UBR2: variants seen among roughly 807,000 people sequenced by gnomAD.
UBR2 encodes the protein E3 ubiquitin-protein ligase UBR2.
UBR2 carries 92 observed loss-of-function variants against 247.9 expected under a neutral mutation model. The ratio of observed to expected loss-of-function variants is 0.37; its 90% confidence interval spans 0.31 to 0.44. UBR2 has a LOEUF of 0.44. UBR2 is among the 20% of genes least tolerant of loss of function. The pLI is 1.00. For missense variants in UBR2, 1,613 were observed against 2,112.6 expected (o/e 0.76, Z 4.64); for synonymous variants, 672 against 693.5 (o/e 0.97, Z 0.49).
rs373511386 is a variant in UBR2 at position 42,663,320 on chromosome 6, G to A, written c.3599G>A (p.Ser1200Asn). 1.9e-6 allele frequency: 3 copies of A among 1,613,782 alleles called. No individual in the cohort carries two copies. The highest frequency in any genetic ancestry group is 1.7e-5 in the Admixed American group (1 of 59,968). Residue 1200 changes from serine to asparagine, a missense_variant, in exon 32 of 47, where the codon AGC (serine) becomes AAC (asparagine). Ser to Asn is a conservative substitution (Grantham distance 46, BLOSUM62 1). Coordinates refer to ENST00000372901, the MANE Select transcript of UBR2 (RefSeq NM_001363705.2). Reference sequence around the variant, plus strand: ...CAACAGAGATTACGCTTACATACGAGCTATGATGTAGAAAACGGAGAATTC... The same window carrying A: ...CAACAGAGATTACGCTTACATACGAACTATGATGTAGAAAACGGAGAATTC... ...RRQQRLRLHT[S>N]YDVENGEFLC...
intron 11 of UBR2, among the ~76,000 whole-genome samples, chr6:42,628,037 T>TA: frequency 6.6e-6 from 1 of 152,258 alleles, no homozygotes; most frequent in East Asian, 1.9e-4. Context: ...AATCCCCTCT[T>TA]ACCCCACTCC....
At chr6:42,635,114 A>T (rs1796006639) in intron 13 of UBR2, among the ~76,000 whole-genome samples, 1 of 152,208 alleles carries the variant, frequency 6.6e-6, no homozygotes. Flanking sequence ...TAGACCATAG[A>T]GCTAAAAAGG....
At chr6:42,645,201 T>A (rs1446041842) in intron 20 of UBR2, among the ~76,000 whole-genome samples, 1 of 151,910 alleles carries the variant, frequency 6.6e-6, no homozygotes, top group Non-Finnish European at 1.5e-5. Flanking sequence ...ATTTAATCCC[T>A]TCCCACATTT....
At chr6:42,612,731 T>C (rs1313377340) in intron 8 of UBR2, among the ~76,000 whole-genome samples, 1 of 152,242 alleles carries the variant, frequency 6.6e-6, no homozygotes, top group Non-Finnish European at 1.5e-5. Context: ...TTATGTGATT[T>C]GACTCCAACA....
chr6:42,676,343 ATTTC>A (rs1422145703), intron 39 of UBR2, 152 bp downstream of exon 39: 1 of 830,902 alleles, frequency 1.2e-6, no homozygotes, highest in Non-Finnish European at 1.7e-6. Flanking sequence ...GTTTTGAAAC[ATTTC>A]TTTCTCCTCT....
chr6:42,681,345 G>A (rs1799038852), intron 42 of UBR2, among the ~76,000 whole-genome samples: 1 of 152,054 alleles, frequency 6.6e-6, no homozygotes, highest in Admixed American at 6.6e-5. Flanking sequence ...CAGCCTGGAT[G>A]ACAGATCAAG....
chr6:42,601,254 A>T (rs568824284), intron 4 of UBR2, among the ~76,000 whole-genome samples: 1 of 152,272 alleles, frequency 6.6e-6, no homozygotes, highest in Non-Finnish European at 1.5e-5. Flanking sequence ...TGAGGTTCAT[A>T]TTATTATTAA....
At chr6:42,589,166 T>G (rs911717073) in intron 2 of UBR2, among the ~76,000 whole-genome samples, 1 of 152,154 alleles carries the variant, frequency 6.6e-6, no homozygotes, top group Non-Finnish European at 1.5e-5. Flanking sequence ...AGATGGAGTC[T>G]TAGTTTGTTG....
rs1373996140 is a variant in UBR2, at chr6:42,670,688, A to G, written c.4059A>G (p.Pro1353=). 7.5e-6 allele frequency: 12 copies of G among 1,610,588 alleles called. No individual in the cohort carries two copies. In the African/African-American group the frequency reaches 1.5e-4, roughly 20 times the overall value. Residue 1353 remains proline (P), a synonymous_variant, in exon 36 of 47, where the codon CCA becomes CCG. Transcript: ENST00000372901. ...IERILSDEDK[P]LFGPLPCRLD... ...GAATTTTGAGTGATGAAGATAAACCATTGTTTGGTCCTTTACCTTGCAGAC... is the reference window on the plus strand; with the variant it reads ...GAATTTTGAGTGATGAAGATAAACCGTTGTTTGGTCCTTTACCTTGCAGAC...
chr6:42,611,474 A>T (rs986496500), intron 7 of UBR2, among the ~76,000 whole-genome samples: 1 of 145,796 alleles, frequency 6.9e-6, no homozygotes, highest in Non-Finnish European at 1.5e-5. Flanking sequence ...AAAAAAAAAA[A>T]GTTGATAACA....
intron 15 of UBR2, among the ~76,000 whole-genome samples, chr6:42,637,478 C>T (rs150409870): frequency 1.2e-3 from 172 of 148,690 alleles, no homozygotes; most frequent in African/African-American, 4.0e-3. Context: ...TGTTTATAGC[C>T]GTTATACCAT....
intron 3 of UBR2, among the ~76,000 whole-genome samples, chr6:42,592,449 C>T (rs563806047): frequency 6.6e-6 from 1 of 152,200 alleles, no homozygotes; most frequent in South Asian, 2.1e-4. Context: ...ATAGAGATAT[C>T]AGCTCTTCTG....
Position 42,603,723 on chromosome 6 carries a change from G to GTA in UBR2, c.662+8_662+9dup. 6.3e-7 allele frequency: 1 copy of GTA among 1,591,556 alleles called. No homozygotes were observed. The highest frequency in any genetic ancestry group is 8.5e-7 in the Non-Finnish European group (1 of 1,174,748). On this transcript the variant is annotated splice_donor_region_variant and intron_variant, in intron 5 of 46. Transcript: ENST00000372901. ...GCCAGCAGATTTAGAGATGGTGTAA[G>GTA]TATAACCTGTTTATTCTTCATGTAT...
rs778742196 is a variant in UBR2 at position 42,666,153 on chromosome 6, G to A, written c.3803-14G>A. Reference sequence around the variant, plus strand: ...CATCTATTGAATAATAGTATAAAATGCCTGTTTCTATAGATAATGCCTCTA... The same window carrying A: ...CATCTATTGAATAATAGTATAAAATACCTGTTTCTATAGATAATGCCTCTA... On this transcript the variant is annotated splice_polypyrimidine_tract_variant and intron_variant, in intron 33 of 46. Coordinates refer to ENST00000372901, the MANE Select transcript of UBR2 (RefSeq NM_001363705.2). 1 of 1,599,908 alleles carries A rather than the reference G, an allele frequency of 6.3e-7. No individual in the cohort carries two copies.
At chr6:42,601,216 T>A (rs1482425057) in intron 4 of UBR2, among the ~76,000 whole-genome samples, 2 of 152,232 alleles carry the variant, frequency 1.3e-5, no homozygotes, top group Admixed American at 6.5e-5. Context: ...AGCTGAATTT[T>A]GATTCCACTT....
intron 25 of UBR2, among the ~76,000 whole-genome samples, chr6:42,653,796 T>C (rs1797267300): frequency 6.6e-6 from 1 of 151,908 alleles, no homozygotes; most frequent in South Asian, 2.1e-4. Flanking sequence ...TTTGTATTTT[T>C]AGTAGAGACA....
chr6:42,643,679 A>C (rs566035566), intron 18 of UBR2, among the ~76,000 whole-genome samples: 97 of 152,340 alleles, frequency 6.4e-4, no homozygotes, highest in African/African-American at 2.3e-3. Flanking sequence ...GTTTATTTAT[A>C]ATTTATACAA....
intron 39 of UBR2, 50 bp from the exon 40 acceptor site, chr6:42,676,733 A>G (rs766635429): frequency 1.7e-5 from 24 of 1,422,004 alleles, no homozygotes; most frequent in Non-Finnish European, 2.2e-5. Flanking sequence ...AGTCCTTTTG[A>G]TAACACTTAA....
rs376164994 is a variant in UBR2, at chr6:42,679,729, G to A, written c.4615G>A (p.Gly1539Arg). ...VPSPPDIQVP[G>R]TSHFEHLCSY... is the part of the protein sequence containing the mutation. ...TTCTTGTTCTTCATTTGCAGTTCCTGGAACAAGCCATTTTGAACATTTATG... is the reference window on the plus strand; with the variant it reads ...TTCTTGTTCTTCATTTGCAGTTCCTAGAACAAGCCATTTTGAACATTTATG... Residue 1539 changes from glycine (G) to arginine (R), a missense_variant, in exon 42 of 47, where the codon GGA becomes AGA. By Grantham distance (125) the Gly-to-Arg change is moderately radical (BLOSUM62 -2). Coordinates refer to ENST00000372901, the MANE Select transcript of UBR2 (RefSeq NM_001363705.2). 8 of 1,612,048 alleles carry A rather than the reference G, an allele frequency of 5.0e-6. No individual in the cohort carries two copies. The highest frequency in any genetic ancestry group is 5.9e-6 in the Non-Finnish European group (7 of 1,178,884).
Sources: gnomAD v4.1 joint callset for allele counts (sites outside exome capture counted in the v4.1 genomes callset) on GRCh38, gnomAD v4.1.1 for gene constraint, MANE v1.5 for transcripts, NCBI Gene and HGNC (gene_info 2026-07-23, HGNC 2026-07-21) for gene names.